The following ARMH4 variants were observed in gnomAD, a reference collection of about 807,000 sequenced individuals.
ARMH4 encodes armadillo like helical domain containing 4.
ARMH4 carries 49 observed loss-of-function variants against 61.9 expected under a neutral mutation model. The observed-to-expected ratio is 0.79, with a 90% CI of 0.63 to 1.00. The LOEUF is 1.00. Ranked by LOEUF, ARMH4 falls within the 50% of genes least tolerant of loss-of-function variation. The pLI, the probability that ARMH4 is intolerant of heterozygous loss-of-function variation, is 0.00. For missense variants in ARMH4, 934 were observed against 930.0 expected, an observed-to-expected ratio of 1.00 and a Z score of -0.06; for synonymous variants, 368 against 341.5, an observed-to-expected ratio of 1.08 and a Z score of -0.85.
At chr14:58,065,376 T>C (rs1884671446) in intron 5 of ARMH4, among the ~76,000 whole-genome samples, 1 of 152,244 alleles carries the variant, frequency 6.6e-6, no homozygotes, top group South Asian at 2.1e-4. Flanking sequence ...CCAAGCATCA[T>C]AATTATTTAT....
chr14:58,103,877 T>G (rs1395651240), intron 4 of ARMH4, among the ~76,000 whole-genome samples: 1 of 152,220 alleles, frequency 6.6e-6, no homozygotes, highest in Non-Finnish European at 1.5e-5. Flanking sequence ...GGATCACTGT[T>G]CTCTGACCAC....
chr14:58,102,480 A>T (rs1886017229), intron 4 of ARMH4, among the ~76,000 whole-genome samples: 1 of 152,222 alleles, frequency 6.6e-6, no homozygotes, highest in African/African-American at 2.4e-5. Context: ...GTCTTGGATT[A>T]TCTTGGTGGA....
At chr14:58,129,330 T>C (rs1396337565) in intron 4 of ARMH4, among the ~76,000 whole-genome samples, 1 of 152,216 alleles carries the variant, frequency 6.6e-6, no homozygotes, top group Non-Finnish European at 1.5e-5. Flanking sequence ...TGGTGTCTAA[T>C]GTCTAACAAA....
At chr14:58,068,260 T>C (rs1884768851) in intron 5 of ARMH4, among the ~76,000 whole-genome samples, 2 of 152,110 alleles carry the variant, frequency 1.3e-5, no homozygotes, top group Admixed American at 1.3e-4. Flanking sequence ...AAAGCTTTAG[T>C]TGCTGATGCT....
At chr14:58,032,790 C>A (rs911235362) in intron 5 of ARMH4, among the ~76,000 whole-genome samples, 1 of 152,142 alleles carries the variant, frequency 6.6e-6, no homozygotes, top group Non-Finnish European at 1.5e-5. Flanking sequence ...AAAGAGGTGA[C>A]GGACGCACCT....
chr14:58,117,055 G>C (rs1018784355), intron 4 of ARMH4, among the ~76,000 whole-genome samples: 1 of 152,018 alleles, frequency 6.6e-6, no homozygotes, highest in Non-Finnish European at 1.5e-5. Flanking sequence ...GGGCTCAAGA[G>C]ACCCTCCTGC....
intron 4 of ARMH4, among the ~76,000 whole-genome samples, chr14:58,130,034 T>C (rs1230686787): frequency 6.6e-6 from 1 of 152,232 alleles, no homozygotes; most frequent in Non-Finnish European, 1.5e-5. Flanking sequence ...AGAAAGTTAC[T>C]GCAGTTTCAC....
chr14:58,137,970 T>C lies in ARMH4; in HGVS notation c.1369+20A>G. 1 of 1,564,068 alleles carries C rather than the reference T, an allele frequency of 6.4e-7. No homozygotes were observed. The highest frequency in any genetic ancestry group is 1.2e-5 in the South Asian group (1 of 83,946). ...TTTCCAAATTAAACCAAAGTTTGTT[T>C]TTCTTTTTCTTTCTTTTACCTTTCA... On this transcript the variant is annotated intron_variant, in intron 2 of 7. Coordinates refer to ENST00000267485, the MANE Select transcript of ARMH4 (RefSeq NM_001001872.4).
intron 4 of ARMH4, chr14:58,100,949 A>C (rs1396668277): frequency 6.3e-6 from 1 of 157,756 alleles, no homozygotes; most frequent in African/African-American, 2.4e-5. Context: ...GCAGAAAGAA[A>C]AACAAGCAGA....
intron 4 of ARMH4, among the ~76,000 whole-genome samples, chr14:58,104,534 T>G (rs910879): frequency 0.51 from 77,629 of 151,998 alleles, 20,240 homozygotes; most frequent in Middle Eastern, 0.62. Flanking sequence ...ATCTTTTTCT[T>G]CCAGAAAATG....
chr14:58,094,892 C>G (rs1250952654), intron 5 of ARMH4, among the ~76,000 whole-genome samples: 1 of 152,088 alleles, frequency 6.6e-6, no homozygotes, highest in Non-Finnish European at 1.5e-5. Context: ...ATACAACTCT[C>G]AAAACTCATC....
rs776720777 is a variant in ARMH4 at position 58,138,635 on chromosome 14, T to C, written c.724A>G (p.Thr242Ala). ...AGGCTTCCAGGCTCACTGCCTGCTG[T>C]GGACTCAGCACCAGGAAAAGAAGTT... is the stretch of plus-strand genomic sequence containing the variant. ...RTTSFPGAES[T>A]AGSEPGSLTP... is the part of the protein sequence containing the mutation. The change falls in exon 2 of 8, where the codon ACA becomes GCA. Residue 242 changes from threonine (T) to alanine (A), a missense_variant. By Grantham distance (58) the Thr-to-Ala change is moderately conservative. Transcript: ENST00000267485. 78 of 1,614,094 alleles carry C rather than the reference T, an allele frequency of 4.8e-5. No individual in the cohort carries two copies. The highest frequency in any genetic ancestry group is 6.4e-5 in the Non-Finnish European group (76 of 1,180,020).
rs145541878 is a variant in ARMH4, at chr14:58,141,162, T to A, written c.-56-1748A>T. On this transcript the variant is annotated intron_variant, in intron 1 of 7. Coordinates refer to ENST00000267485, the MANE Select transcript of ARMH4 (RefSeq NM_001001872.4). ...GGTTTGAAAACCCTAAATATCATCA[T>A]TAAATGCTGAATACCAGTTACTTTT... 7.3e-3 allele frequency: 1,755 copies of A among 239,190 alleles called. 29 individuals carry two copies. Among genetic ancestry groups the A allele is most frequent in the African/African-American group, 0.038 (1,661 of 43,440 alleles). 14.8% of individuals were successfully genotyped at this position (239,190 alleles called of 1,614,324 possible). A position where few individuals can be genotyped will look rare whatever the true frequency, so the allele number is the denominator to read the frequency against.
At chr14:58,041,159 C>T (rs916991331) in intron 5 of ARMH4, among the ~76,000 whole-genome samples, 5 of 152,082 alleles carry the variant, frequency 3.3e-5, no homozygotes, top group South Asian at 4.1e-4. Context: ...CAAAGCAGGG[C>T]GAGGCATCGC....
At chr14:58,012,437 C>T (rs3783690) in intron 5 of ARMH4, among the ~76,000 whole-genome samples, 26,520 of 152,082 alleles carry the variant, frequency 0.17, 3,155 homozygotes, top group East Asian at 0.56. Flanking sequence ...GTGGGCAAAG[C>T]GAAAATCACC....
At chr14:58,141,493 C>A (rs979094283) in intron 1 of ARMH4, 45 of 539,760 alleles carry the variant, frequency 8.3e-5, no homozygotes, top group Admixed American at 5.3e-4. Flanking sequence ...CCTGGTGCTG[C>A]GCCTGCGAGG....
intron 5 of ARMH4, among the ~76,000 whole-genome samples, chr14:58,023,587 A>C (rs1231668503): frequency 2.0e-5 from 3 of 152,220 alleles, no homozygotes; most frequent in African/African-American, 7.2e-5. Flanking sequence ...ACTCCTGTTA[A>C]TGATAGCTTG....
intron 5 of ARMH4, among the ~76,000 whole-genome samples, chr14:58,020,504 T>C (rs1270117429): frequency 1.3e-5 from 2 of 152,184 alleles, no homozygotes; most frequent in Non-Finnish European, 2.9e-5. Context: ...CCTCCCCTTG[T>C]CTCTTTCTCT....
chr14:58,021,035 C>T (rs1051020203), intron 5 of ARMH4, among the ~76,000 whole-genome samples: 1 of 152,190 alleles, frequency 6.6e-6, no homozygotes, highest in Non-Finnish European at 1.5e-5. Context: ...AAAACAATGT[C>T]TCAGTTTTCA....
Sources: gnomAD v4.1 joint callset for allele counts (sites outside exome capture counted in the v4.1 genomes callset) on GRCh38, gnomAD v4.1.1 for gene constraint, MANE v1.5 for transcripts, NCBI Gene and HGNC (gene_info 2026-07-23, HGNC 2026-07-21) for gene names.